FRMPD4: variants seen among roughly 807,000 people sequenced by gnomAD.
The protein encoded by FRMPD4 is FERM and PDZ domain containing 4.
In FRMPD4, 22 loss-of-function variants were observed where a neutral mutation model predicts 94.1. That is an observed-to-expected ratio of 0.23 (90% CI 0.17 to 0.33). The LOEUF (loss-of-function observed/expected upper bound fraction) is 0.33. FRMPD4 is among the 10% of genes least tolerant of loss of function. The pLI is 1.00. For synonymous variants in FRMPD4, 631 were observed against 548.6 expected, an observed-to-expected ratio of 1.15 and a Z score of -2.10; for missense variants, 1,111 against 1,339.9, an observed-to-expected ratio of 0.83 and a Z score of 2.67.
chrX:12,568,524 T>C (rs1395438981), intron 2 of FRMPD4, among the ~76,000 whole-genome samples: 1 of 112,490 alleles, frequency 8.9e-6, no homozygotes, highest in Non-Finnish European at 1.9e-5. Flanking sequence ...CAGTGCTTCA[T>C]AAAATTCCAT....
intron 1 of FRMPD4, among the ~76,000 whole-genome samples, chrX:11,837,203 G>A (rs2053505887): frequency 1.0e-5 from 1 of 96,772 alleles, no homozygotes; most frequent in Non-Finnish European, 2.2e-5. Flanking sequence ...TTCTGACTAT[G>A]AATTATATTA....
At chrX:12,210,074 A>C (rs2056737622) in intron 1 of FRMPD4, among the ~76,000 whole-genome samples, 1 of 111,656 alleles carries the variant, frequency 9.0e-6, no homozygotes, top group Non-Finnish European at 1.9e-5. Flanking sequence ...CTTTGTGTAT[A>C]CCCTACTTCA....
intron 4 of FRMPD4, among the ~76,000 whole-genome samples, chrX:12,642,071 A>G (rs866296331): frequency 9.6e-6 from 1 of 104,185 alleles, no homozygotes; most frequent in Non-Finnish European, 1.9e-5. Context: ...TTCATAGAGG[A>G]AAAAAAAAAG....
intron 3 of FRMPD4, among the ~76,000 whole-genome samples, chrX:11,900,189 GA>G (rs1339910591): frequency 1.3e-5 from 1 of 76,950 alleles, no homozygotes; most frequent in African/African-American, 4.1e-5. Context: ...TGTTTCAGAG[GA>G]TTTTTTTTTT....
intron 1 of FRMPD4, among the ~76,000 whole-genome samples, chrX:12,245,264 G>A (rs2053938742): frequency 9.0e-6 from 1 of 111,271 alleles, no homozygotes; most frequent in Admixed American, 9.5e-5. Flanking sequence ...CTTTTAAAGC[G>A]CTCTTGCCCA....
At chrX:11,842,968 T>C (rs2053547640) in intron 1 of FRMPD4, among the ~76,000 whole-genome samples, 1 of 111,936 alleles carries the variant, frequency 8.9e-6, no homozygotes, top group Admixed American at 9.5e-5. Context: ...TCAACAACGC[T>C]TCATGCTATA....
At chrX:12,161,270 C>T (rs1351298040) in intron 1 of FRMPD4, among the ~76,000 whole-genome samples, 5 of 111,393 alleles carry the variant, frequency 4.5e-5, no homozygotes, top group Non-Finnish European at 9.4e-5. Context: ...GCCATTCTCC[C>T]GCCTCAGCCT....
intron 1 of FRMPD4, among the ~76,000 whole-genome samples, chrX:12,302,260 T>C (rs2054873138): frequency 8.9e-6 from 1 of 112,315 alleles, no homozygotes; most frequent in Admixed American, 9.4e-5. Flanking sequence ...ATAGTTTATA[T>C]GCAGATTGGG....
At chrX:12,581,708 C>T in intron 2 of FRMPD4, among the ~76,000 whole-genome samples, 1 of 111,716 alleles carries the variant, frequency 9.0e-6, no homozygotes, top group Non-Finnish European at 1.9e-5. Context: ...TCGTCCTCCT[C>T]CCGCCCACTG....
intron 1 of FRMPD4, among the ~76,000 whole-genome samples, chrX:12,241,329 G>A (rs890387312): frequency 7.1e-5 from 8 of 112,401 alleles, no homozygotes; most frequent in African/African-American, 2.6e-4. Context: ...GACTTTGGAA[G>A]AGTCACAGTT....
intron 1 of FRMPD4, among the ~76,000 whole-genome samples, chrX:12,496,898 GGTT>G (rs1300547583): frequency 8.1e-5 from 9 of 111,630 alleles, no homozygotes; most frequent in Admixed American, 4.7e-4. Context: ...CTTGCTAAAT[GGTT>G]GTTAGCTGCT....
intron 1 of FRMPD4, among the ~76,000 whole-genome samples, chrX:12,362,314 G>A (rs990045045): frequency 3.6e-5 from 4 of 109,660 alleles, no homozygotes; most frequent in Non-Finnish European, 7.6e-5. Flanking sequence ...CCATTAACTC[G>A]TCCTTTACAT....
chrX:12,038,544 T>C (rs756435176), intron 3 of FRMPD4, among the ~76,000 whole-genome samples: 80 of 112,215 alleles, frequency 7.1e-4, no homozygotes, highest in African/African-American at 2.6e-3. Flanking sequence ...TCCAAATTAC[T>C]AATTTTTGTT....
At chrX:12,538,732 G>C (rs1326004850) in intron 2 of FRMPD4, among the ~76,000 whole-genome samples, 1 of 112,203 alleles carries the variant, frequency 8.9e-6, no homozygotes, top group African/African-American at 3.2e-5. Flanking sequence ...CAACAGACCT[G>C]CAGCTGAGGG....
chrX:12,044,058 A>G (rs2054772703), intron 3 of FRMPD4, among the ~76,000 whole-genome samples: 1 of 111,991 alleles, frequency 8.9e-6, no homozygotes, highest in African/African-American at 3.2e-5. Flanking sequence ...AGTTTTCTGA[A>G]TGATAAAACC....
Position 12,392,969 on chromosome X carries a change from A to G in FRMPD4, c.42-105711A>G, listed in dbSNP as rs1354557320. ...GTGACAAGAGCAAAACTCCGTCTCA[A>G]GGAAAAATAAAAATAAAAAAAGAAA... On this transcript the variant is annotated intron_variant, in intron 1 of 16. Coordinates refer to ENST00000675598, the MANE Select transcript of FRMPD4 (RefSeq NM_001368397.1). 3.0e-4 allele frequency among the ~76,000 whole-genome samples: 34 copies of G among 112,437 alleles called. 2 individuals are homozygous for G.
At chrX:12,035,014 G>T (rs1401224948) in intron 3 of FRMPD4, among the ~76,000 whole-genome samples, 1 of 111,904 alleles carries the variant, frequency 8.9e-6, no homozygotes. Context: ...TCAGTCTCTT[G>T]AACAGTTTAT....
intron 1 of FRMPD4, among the ~76,000 whole-genome samples, chrX:12,283,063 A>G (rs1416820098): frequency 8.9e-6 from 1 of 112,820 alleles, no homozygotes; most frequent in African/African-American, 3.2e-5. Flanking sequence ...GCTGATCTAG[A>G]CTGTATTAAA....
chrX:12,288,593 T>G (rs1286257277), intron 1 of FRMPD4, among the ~76,000 whole-genome samples: 1 of 111,613 alleles, frequency 9.0e-6, no homozygotes, highest in African/African-American at 3.3e-5. Context: ...ACTTCCTATT[T>G]TCCAAATTCA....
Sources: allele counts gnomAD v4.1 joint callset (sites outside exome capture counted in the v4.1 genomes callset), GRCh38; gene constraint gnomAD v4.1.1; transcripts MANE v1.5; gene names NCBI Gene and HGNC (gene_info 2026-07-23, HGNC 2026-07-21).